The following PICALM variants were observed in gnomAD, a reference collection of about 807,000 sequenced individuals.
PICALM encodes the protein phosphatidylinositol binding clathrin assembly protein, also known as phosphatidylinositol-binding clathrin assembly protein.
In PICALM, 40 loss-of-function variants were observed where a neutral mutation model predicts 80.5. That is an observed-to-expected ratio of 0.50 (90% CI 0.39 to 0.65). The LOEUF is 0.65. PICALM is among the 30% of genes least tolerant of loss of function. The pLI, the probability that PICALM is intolerant of heterozygous loss-of-function variation, is 0.00. For missense variants in PICALM, 676 were observed against 778.9 expected, an observed-to-expected ratio of 0.87 and a Z score of 1.57; for synonymous variants, 288 against 260.3, an observed-to-expected ratio of 1.11 and a Z score of -1.02.
intron 1 of PICALM, among the ~76,000 whole-genome samples, chr11:86,037,417 G>A (rs1249242374): frequency 1.3e-5 from 2 of 151,320 alleles, no homozygotes; most frequent in Non-Finnish European, 2.9e-5. Context: ...CTGCTACCAC[G>A]CCCGGCTAAT....
chr11:85,965,973 C>T (rs577884874), intron 19 of PICALM, among the ~76,000 whole-genome samples: 74 of 151,738 alleles, frequency 4.9e-4, no homozygotes, highest in African/African-American at 1.7e-3. Context: ...CCTGCCACCA[C>T]GCCTGGCTAA....
In PICALM at chr11:86,016,618, C is replaced by T. The variant is rs142105811; in HGVS notation, c.453-1655G>A. Reference sequence around the variant, plus strand: ...CTATCCTGGCTGAGCAAACACCTAACTAATCCATGCCTGTACACACATAGC... The same window carrying T: ...CTATCCTGGCTGAGCAAACACCTAATTAATCCATGCCTGTACACACATAGC... On this transcript the variant is annotated intron_variant, in intron 4 of 19. Coordinates refer to ENST00000393346, the MANE Select transcript of PICALM (RefSeq NM_007166.4). Among the ~76,000 whole-genome samples, 33 of 152,318 alleles carry T rather than the reference C, an allele frequency of 2.2e-4. No individual in the cohort carries two copies. In the East Asian group the frequency reaches 6.0e-3, roughly 28 times the overall value.
chr11:86,057,926 T>C (rs77800589), intron 1 of PICALM, among the ~76,000 whole-genome samples: 3,771 of 152,280 alleles, frequency 0.025, 52 homozygotes, highest in Non-Finnish European at 0.036. Flanking sequence ...CTATAGATAC[T>C]GAAGGACAAC....
chr11:86,022,160 T>G (rs1177629739), intron 4 of PICALM, among the ~76,000 whole-genome samples: 2 of 152,220 alleles, frequency 1.3e-5, no homozygotes, highest in African/African-American at 4.8e-5. Context: ...TAAATTTTGT[T>G]ATGTGAATGA....
intron 1 of PICALM, among the ~76,000 whole-genome samples, chr11:86,063,323 A>G (rs1424431188): frequency 6.6e-6 from 1 of 152,014 alleles, no homozygotes. Flanking sequence ...CTTTAAATTC[A>G]AAGACACCTT....
chr11:86,018,532 T>TC (rs1422146543), intron 4 of PICALM, among the ~76,000 whole-genome samples: 1 of 151,960 alleles, frequency 6.6e-6, no homozygotes. Flanking sequence ...TTTTATAAGA[T>TC]TAAAAAAAGG....
At chr11:85,976,747 A>G in intron 17 of PICALM, 65 bp from the exon 18 acceptor site, 1 of 913,022 alleles carries the variant, frequency 1.1e-6, no homozygotes, top group Non-Finnish European at 1.8e-6. Flanking sequence ...GAGTTCAAGG[A>G]ATTAGTAGCT....
Position 85,958,752 on chromosome 11 carries a change from G to A in PICALM, c.*294C>T, listed in dbSNP as rs1273682304. 2 of 327,072 alleles carry A rather than the reference G, an allele frequency of 6.1e-6. No individual in the cohort carries two copies. Among genetic ancestry groups the A allele is most frequent in the African/African-American group, 4.2e-5 (2 of 47,586 alleles). 20.3% of individuals were successfully genotyped at this position (327,072 alleles called of 1,614,324 possible). A position where few individuals can be genotyped will look rare whatever the true frequency, so the allele number is the denominator to read the frequency against. On this transcript the variant is annotated 3_prime_UTR_variant, in exon 20 of 20. Coordinates refer to ENST00000393346, the MANE Select transcript of PICALM (RefSeq NM_007166.4). ...TCCAAATAAGGGCTTTTCTTGATAG[G>A]TTACTGATTATGGGTATTAACAGGA...
intron 19 of PICALM, chr11:85,969,572 T>C (rs535279198): frequency 3.5e-6 from 1 of 285,396 alleles, no homozygotes; most frequent in Non-Finnish European, 7.2e-6. Context: ...GAAAAATCTT[T>C]TGGTTTCGGC....
rs1303749415 is a variant in PICALM at position 85,990,324 on chromosome 11, C to T, written c.1334G>A (p.Gly445Asp). 1 of 1,604,264 alleles carries T rather than the reference C, an allele frequency of 6.2e-7. No individual in the cohort carries two copies. Among genetic ancestry groups the T allele is most frequent in the African/African-American group, 1.3e-5 (1 of 74,744 alleles). Residue 445 changes from glycine to aspartate, a missense_variant, in exon 13 of 20, where the codon GGT becomes GAT. Transcript: ENST00000393346. ...SLNPFLTKSS[G>D]DVHLSISSDV... ...TGAAGAAATGGAAAGGTGAACATCA[C>T]CACTACTTTTTGTGAGGAAAGGATT...
intron 6 of PICALM, among the ~76,000 whole-genome samples, chr11:86,012,033 T>C (rs1592898471): frequency 6.6e-6 from 1 of 152,072 alleles, no homozygotes; most frequent in East Asian, 1.9e-4. Context: ...TAAAAATTAA[T>C]AAAATGGGTG....
At chr11:85,994,240 T>G (rs2094886589) in intron 12 of PICALM, among the ~76,000 whole-genome samples, 1 of 152,148 alleles carries the variant, frequency 6.6e-6, no homozygotes, top group South Asian at 2.1e-4. Flanking sequence ...AAAACCTAGG[T>G]CTTCTCAGAT....
At chr11:86,034,659 TA>T (rs547736022) in intron 1 of PICALM, among the ~76,000 whole-genome samples, 10 of 147,352 alleles carry the variant, frequency 6.8e-5, no homozygotes, top group African/African-American at 9.9e-5. Context: ...CCACACACAC[TA>T]AAAAAAAAAC....
chr11:86,034,681 T>A (rs966614815), intron 1 of PICALM, among the ~76,000 whole-genome samples: 1 of 151,942 alleles, frequency 6.6e-6, no homozygotes, highest in Non-Finnish European at 1.5e-5. Flanking sequence ...AAGTACCACA[T>A]GGCACGTAGG....
Position 86,036,867 on chromosome 11 carries a change from C to T in PICALM, c.131-5256G>A, listed in dbSNP as rs530196026. On this transcript the variant is annotated intron_variant, in intron 1 of 19. Coordinates refer to ENST00000393346, the MANE Select transcript of PICALM (RefSeq NM_007166.4). ...CTGTAATCCCAGTGCTTTGGAAGGC[C>T]GAGGTAGGATGACTGCTTGAGGTCA... 2.7e-5 allele frequency among the ~76,000 whole-genome samples: 4 copies of T among 147,848 alleles called. No individual in the cohort carries two copies. In the Admixed American group the frequency reaches 2.7e-4, roughly 10 times the overall value.
intron 1 of PICALM, among the ~76,000 whole-genome samples, chr11:86,065,965 C>T: frequency 6.6e-6 from 1 of 152,218 alleles, no homozygotes; most frequent in Middle Eastern, 3.4e-3. Flanking sequence ...TTAAATGCTG[C>T]CATTTTAAAA....
intron 1 of PICALM, among the ~76,000 whole-genome samples, chr11:86,054,980 T>C (rs757959865): frequency 5.3e-5 from 8 of 152,116 alleles, no homozygotes; most frequent in South Asian, 2.1e-4. Context: ...CATTTTTCCT[T>C]AGCACTCCAA....
intron 13 of PICALM, among the ~76,000 whole-genome samples, chr11:85,986,716 T>C (rs1226512952): frequency 6.6e-6 from 1 of 152,218 alleles, no homozygotes; most frequent in Non-Finnish European, 1.5e-5. Context: ...TTTTAAAAGT[T>C]ATTTAAAACA....
At chr11:86,051,718 T>C (rs2096191913) in intron 1 of PICALM, among the ~76,000 whole-genome samples, 1 of 152,272 alleles carries the variant, frequency 6.6e-6, no homozygotes, top group African/African-American at 2.4e-5. Context: ...TCTTACATAT[T>C]TACATAAATT....
Sources: gnomAD v4.1 joint callset for allele counts (sites outside exome capture counted in the v4.1 genomes callset) on GRCh38, gnomAD v4.1.1 for gene constraint, MANE v1.5 for transcripts, NCBI Gene and HGNC (gene_info 2026-07-23, HGNC 2026-07-21) for gene names.